The following CREM variants were observed in gnomAD, a reference collection of about 807,000 sequenced individuals.
CREM encodes cAMP responsive element modulator, also known as cAMP-responsive element modulator.
CREM carries 13 observed loss-of-function variants against 37.3 expected under a neutral mutation model. That is an observed-to-expected ratio of 0.35 (90% CI 0.23 to 0.55). The LOEUF (loss-of-function observed/expected upper bound fraction) is 0.55. CREM is among the 20% of genes least tolerant of loss of function. The probability of loss-of-function intolerance (pLI) is 0.88; values close to 1 mark genes in which losing one functional copy is unlikely to be tolerated. For synonymous variants in CREM, 124 were observed against 120.2 expected, an observed-to-expected ratio of 1.03 and a Z score of -0.21; for missense variants, 296 against 362.3, an observed-to-expected ratio of 0.82 and a Z score of 1.49.
intron 1 of CREM, among the ~76,000 whole-genome samples, chr10:35,136,150 T>C (rs548932196): frequency 1.3e-5 from 2 of 152,350 alleles, no homozygotes; most frequent in East Asian, 3.9e-4. Flanking sequence ...TCTGAATACC[T>C]TTTTCTAGTT....
chr10:35,194,172 G>A (rs1564946098), intron 6 of CREM, among the ~76,000 whole-genome samples: 1 of 144,024 alleles, frequency 6.9e-6, no homozygotes, highest in African/African-American at 2.5e-5. Context: ...CAGTGGAAAT[G>A]CCAATAATTT....
At chr10:35,131,770 A>C (rs926775531) in intron 1 of CREM, among the ~76,000 whole-genome samples, 1 of 152,340 alleles carries the variant, frequency 6.6e-6, no homozygotes, top group South Asian at 2.1e-4. Flanking sequence ...CAGATTTACT[A>C]TCTAGTAGTT....
In CREM at chr10:35,187,099, T is replaced by A. The variant is rs563484610; in HGVS notation, c.410-1101T>A. Among the ~76,000 whole-genome samples the A allele has an allele frequency of 8.3e-4, 42 of 50,506 alleles. 1 individual carries two copies. In the South Asian group the frequency reaches 0.015, roughly 18 times the overall value. The allele number at this position is 50,506 out of a possible 152,430, so 33.1% of individuals were successfully genotyped here. On this transcript the variant is annotated intron_variant, in intron 5 of 7. Transcript: ENST00000685392. ...TAATATATATAATATATAATATATA[T>A]GATATATATTATATAAATATATAAA...
chr10:35,151,107 G>T (rs1042418594), intron 3 of CREM, among the ~76,000 whole-genome samples: 2 of 152,168 alleles, frequency 1.3e-5, no homozygotes, highest in African/African-American at 4.8e-5. Context: ...AAACAAAGGG[G>T]TGAGAACTGG....
intron 3 of CREM, chr10:35,171,322 C>G (rs921708353): frequency 2.6e-5 from 4 of 151,968 alleles, no homozygotes; most frequent in Non-Finnish European, 5.9e-5. Flanking sequence ...CAGGTGCGCA[C>G]AACCACACCC....
chr10:35,156,682 T>G (rs144852760), intron 3 of CREM, among the ~76,000 whole-genome samples: 1 of 152,360 alleles, frequency 6.6e-6, no homozygotes, highest in Non-Finnish European at 1.5e-5. Context: ...TGACGATATC[T>G]TCATAGTGCT....
chr10:35,141,517 C>T (rs1437192957), intron 2 of CREM, among the ~76,000 whole-genome samples: 5 of 152,090 alleles, frequency 3.3e-5, no homozygotes, highest in African/African-American at 1.2e-4. Flanking sequence ...GCTTGAACAA[C>T]TCGTTGGATG....
intron 6 of CREM, among the ~76,000 whole-genome samples, chr10:35,200,202 T>G (rs958763592): frequency 2.6e-5 from 4 of 152,154 alleles, no homozygotes; most frequent in African/African-American, 9.7e-5. Flanking sequence ...ATTGAATTTT[T>G]TATAGATTAT....
intron 6 of CREM, among the ~76,000 whole-genome samples, chr10:35,188,643 A>C (rs1432108913): frequency 6.6e-6 from 1 of 151,328 alleles, no homozygotes; most frequent in East Asian, 1.9e-4. Flanking sequence ...AAAAAGAGAG[A>C]TAGAAACATG....
intron 3 of CREM, among the ~76,000 whole-genome samples, chr10:35,172,034 G>A (rs2093844048): frequency 6.6e-6 from 1 of 152,190 alleles, no homozygotes; most frequent in Non-Finnish European, 1.5e-5. Flanking sequence ...AGAGAGCTCA[G>A]TTTGGAATCT....
intron 6 of CREM, among the ~76,000 whole-genome samples, chr10:35,197,679 G>C (rs1207018260): frequency 2.0e-5 from 3 of 152,104 alleles, no homozygotes; most frequent in Non-Finnish European, 4.4e-5. Context: ...GAATGGTCTC[G>C]ATCTCCTGAC....
chr10:35,152,896 A>G (rs537216998), intron 3 of CREM, among the ~76,000 whole-genome samples: 3 of 152,346 alleles, frequency 2.0e-5, no homozygotes, highest in Admixed American at 6.5e-5. Context: ...CTTCAAACAT[A>G]CATAAGAGTA....
intron 3 of CREM, among the ~76,000 whole-genome samples, chr10:35,164,473 G>A (rs187101419): frequency 9.9e-4 from 151 of 152,302 alleles, no homozygotes; most frequent in African/African-American, 3.5e-3. Flanking sequence ...GGTATGTCAG[G>A]AGCTTGCTTA....
chr10:35,146,980 T>G (rs2135935450), intron 2 of CREM, among the ~76,000 whole-genome samples: 1 of 152,018 alleles, frequency 6.6e-6, no homozygotes, highest in Admixed American at 6.6e-5. Context: ...AAAGAAACAT[T>G]GTATTATTGA....
At chr10:35,189,506 T>C (rs2094816177) in intron 6 of CREM, among the ~76,000 whole-genome samples, 2 of 151,534 alleles carry the variant, frequency 1.3e-5, no homozygotes, top group Admixed American at 6.6e-5. Context: ...GTTTGTTTGT[T>C]TATTTATTTA....
chr10:35,133,473 AT>A (rs948356244), intron 1 of CREM, among the ~76,000 whole-genome samples: 2 of 151,764 alleles, frequency 1.3e-5, no homozygotes, highest in Non-Finnish European at 2.9e-5. Context: ...TAATTTCTGT[AT>A]TTTTTGCAGA....
At chr10:35,166,759 A>G (rs914287364) in intron 3 of CREM, among the ~76,000 whole-genome samples, 1 of 152,142 alleles carries the variant, frequency 6.6e-6, no homozygotes, top group African/African-American at 2.4e-5. Context: ...CTTCATGGGA[A>G]GGAAGTCACT....
intron 1 of CREM, among the ~76,000 whole-genome samples, chr10:35,131,333 GT>G (rs921634583): frequency 4.6e-5 from 7 of 151,186 alleles, no homozygotes; most frequent in East Asian, 1.9e-4. Flanking sequence ...CTTAGTAAAG[GT>G]TTTTTTTTGT....
At chr10:35,164,780 T>G (rs1423439816) in intron 3 of CREM, among the ~76,000 whole-genome samples, 2 of 152,214 alleles carry the variant, frequency 1.3e-5, no homozygotes, top group African/African-American at 4.8e-5. Context: ...GCTGGGGCAG[T>G]GGCCCATGCC....
Sources: allele counts gnomAD v4.1 joint callset (sites outside exome capture counted in the v4.1 genomes callset), GRCh38; gene constraint gnomAD v4.1.1; transcripts MANE v1.5; gene names NCBI Gene and HGNC (gene_info 2026-07-23, HGNC 2026-07-21).